Variants in PLCXD3 observed in about 807,000 individuals in gnomAD.
PLCXD3 encodes phosphatidylinositol specific phospholipase C X domain containing 3.
PLCXD3 carries 19 observed loss-of-function variants against 25.5 expected under a neutral mutation model. That is an observed-to-expected ratio of 0.75 (90% CI 0.52 to 1.09). The LOEUF (loss-of-function observed/expected upper bound fraction) is 1.09, where lower values mean the gene tolerates loss of function less well. PLCXD3 is among the 50% of genes least tolerant of loss of function. PLCXD3 has a pLI of 0.00. For synonymous variants in PLCXD3, 174 were observed against 137.6 expected (o/e 1.26, Z -1.85); for missense variants, 411 against 388.1 (o/e 1.06, Z -0.50).
In PLCXD3 at chr5:41,308,067, G is replaced by A. The variant is rs1743044463; in HGVS notation, c.*5550C>T. On this transcript the variant is annotated 3_prime_UTR_variant, in exon 3 of 3. Coordinates refer to ENST00000377801, the MANE Select transcript of PLCXD3 (RefSeq NM_001005473.3). ...TGAGTTCGTCCTTCAAAAAGCATTT[G>A]CAGGACCTAGAGCTGACCAATGTTT... 1 of 152,128 alleles carries A rather than the reference G, an allele frequency of 6.6e-6. No homozygotes were observed. Among genetic ancestry groups the A allele is most frequent in the Admixed American group, 6.6e-5 (1 of 15,260 alleles). 9.4% of individuals were successfully genotyped at this position (152,128 alleles called of 1,614,324 possible). A position where few individuals can be genotyped will look rare whatever the true frequency, so the allele number is the denominator to read the frequency against.
At chr5:41,349,870 C>T (rs1443644071) in intron 2 of PLCXD3, among the ~76,000 whole-genome samples, 3 of 152,088 alleles carry the variant, frequency 2.0e-5, no homozygotes, top group Non-Finnish European at 4.4e-5. Flanking sequence ...AACTGCTGTA[C>T]CCATAAATTC....
Position 41,310,706 on chromosome 5 carries a change from CCT to C in PLCXD3, c.*2909_*2910del, listed in dbSNP as rs1743115523. ...TCTCCATTCCCCTTTCCAAGGACTCCCTTTTAGTAAACTCCCCCTCTAGCTGG... is the reference window on the plus strand; with the variant it reads ...TCTCCATTCCCCTTTCCAAGGACTCCTTTAGTAAACTCCCCCTCTAGCTGG... On this transcript the variant is annotated 3_prime_UTR_variant, in exon 3 of 3. Coordinates refer to ENST00000377801, the MANE Select transcript of PLCXD3 (RefSeq NM_001005473.3). The C allele has an allele frequency of 6.6e-6, 1 of 152,616 alleles. No individual in the cohort carries two copies. Among genetic ancestry groups the C allele is most frequent in the Admixed American group, 6.5e-5 (1 of 15,268 alleles). The allele number at this position is 152,616 out of a possible 1,614,324, so 9.5% of individuals were successfully genotyped here.
chr5:41,493,875 C>A (rs1748767408), intron 1 of PLCXD3, among the ~76,000 whole-genome samples: 1 of 152,196 alleles, frequency 6.6e-6, no homozygotes, highest in Non-Finnish European at 1.5e-5. Flanking sequence ...AACTCCCTGA[C>A]CCCTTGCACT....
chr5:41,413,810 A>G (rs994039265), intron 1 of PLCXD3, among the ~76,000 whole-genome samples: 1 of 152,188 alleles, frequency 6.6e-6, no homozygotes, highest in Non-Finnish European at 1.5e-5. Flanking sequence ...AAAATATGAC[A>G]AACTAGAGTT....
chr5:41,379,081 G>A (rs1745379002), intron 2 of PLCXD3, among the ~76,000 whole-genome samples: 1 of 152,066 alleles, frequency 6.6e-6, no homozygotes, highest in Admixed American at 6.6e-5. Context: ...AGAGGTCATA[G>A]GAAGACTTGC....
chr5:41,372,594 G>A (rs1745136102), intron 2 of PLCXD3, among the ~76,000 whole-genome samples: 1 of 151,978 alleles, frequency 6.6e-6, no homozygotes, highest in Admixed American at 6.6e-5. Context: ...TACCCCGGAG[G>A]ACATAGGATG....
chr5:41,496,556 A>G (rs1044602239), intron 1 of PLCXD3, among the ~76,000 whole-genome samples: 3 of 151,008 alleles, frequency 2.0e-5, no homozygotes, highest in Admixed American at 1.3e-4. Context: ...AATAATAACA[A>G]CCAACCGAGA....
chr5:41,417,181 T>C (rs1390042795), intron 1 of PLCXD3, among the ~76,000 whole-genome samples: 3 of 152,304 alleles, frequency 2.0e-5, no homozygotes, highest in African/African-American at 4.8e-5. Context: ...ATGACACTTA[T>C]TACTATTACC....
chr5:41,492,643 C>CT (rs1314357344), intron 1 of PLCXD3, among the ~76,000 whole-genome samples: 1 of 151,858 alleles, frequency 6.6e-6, no homozygotes. Context: ...TCTTTTTATT[C>CT]TTTTTTTCTC....
At chr5:41,320,423 C>T (rs896957410) in intron 2 of PLCXD3, among the ~76,000 whole-genome samples, 14 of 152,260 alleles carry the variant, frequency 9.2e-5, no homozygotes, top group African/African-American at 3.4e-4. Flanking sequence ...GACCATTCAT[C>T]ATGACCAATT....
intron 1 of PLCXD3, among the ~76,000 whole-genome samples, chr5:41,438,572 G>T (rs1408610609): frequency 6.6e-6 from 1 of 152,154 alleles, no homozygotes; most frequent in African/African-American, 2.4e-5. Context: ...GAGCCTGTTA[G>T]CAAGACTCTC....
intron 1 of PLCXD3, among the ~76,000 whole-genome samples, chr5:41,492,683 A>T (rs937447265): frequency 8.6e-5 from 13 of 151,864 alleles, no homozygotes; most frequent in Admixed American, 3.9e-4. Context: ...CATTTCATTC[A>T]TCTTCCGTCA....
intron 1 of PLCXD3, among the ~76,000 whole-genome samples, chr5:41,438,492 A>G (rs1485839259): frequency 6.6e-6 from 1 of 152,102 alleles, no homozygotes; most frequent in African/African-American, 2.4e-5. Flanking sequence ...AGTTTGCCCC[A>G]TTTGCAGAGA....
intron 2 of PLCXD3, among the ~76,000 whole-genome samples, chr5:41,374,347 G>A (rs1561250128): frequency 6.6e-6 from 1 of 152,082 alleles, no homozygotes; most frequent in African/African-American, 2.4e-5. Context: ...GCTGGGAAAG[G>A]GTTGCTTTCT....
In PLCXD3 at chr5:41,428,377, T is replaced by TG. The variant is rs1467885320; in HGVS notation, c.104-45844_104-45843insC. On this transcript the variant is annotated intron_variant, in intron 1 of 2. Transcript: ENST00000377801. ...AGAGGTGATTAAGTTAAAATGAGTT[T>TG]TTTTGTTTTTGTTTTTGTTTTTTTT... 5.7e-4 allele frequency among the ~76,000 whole-genome samples: 67 copies of TG among 117,318 alleles called. 2 individuals are homozygous for TG. The highest frequency in any genetic ancestry group is 2.1e-3 in the African/African-American group (63 of 29,438). 77.0% of individuals were successfully genotyped at this position (117,318 alleles called of 152,430 possible). A position where few individuals can be genotyped will look rare whatever the true frequency, so the allele number is the denominator to read the frequency against.
chr5:41,493,782 C>A (rs544875752), intron 1 of PLCXD3, among the ~76,000 whole-genome samples: 5 of 152,200 alleles, frequency 3.3e-5, no homozygotes, highest in African/African-American at 1.2e-4. Context: ...TTTTTAAGCC[C>A]GTCGGAAAAG....
chr5:41,433,574 T>C (rs1747167211), intron 1 of PLCXD3, among the ~76,000 whole-genome samples: 2 of 152,196 alleles, frequency 1.3e-5, no homozygotes, highest in Non-Finnish European at 2.9e-5. Flanking sequence ...AGCAATTGTA[T>C]AGATTTTTCC....
intron 2 of PLCXD3, among the ~76,000 whole-genome samples, chr5:41,330,804 T>C (rs1314853062): frequency 6.6e-6 from 1 of 152,144 alleles, no homozygotes; most frequent in Non-Finnish European, 1.5e-5. Flanking sequence ...TGCAAATCAA[T>C]AAATGTAATC....
At chr5:41,391,069 G>A (rs1745800401) in intron 1 of PLCXD3, among the ~76,000 whole-genome samples, 2 of 152,152 alleles carry the variant, frequency 1.3e-5, no homozygotes, top group Non-Finnish European at 2.9e-5. Context: ...AAACTTGACT[G>A]CCTGCAAACC....
Sources: allele counts gnomAD v4.1 joint callset (sites outside exome capture counted in the v4.1 genomes callset), GRCh38; gene constraint gnomAD v4.1.1; transcripts MANE v1.5; gene names NCBI Gene and HGNC (gene_info 2026-07-23, HGNC 2026-07-21).